SGCD: variants seen among roughly 807,000 people sequenced by gnomAD.
SGCD encodes the protein sarcoglycan delta.
In SGCD, 18 loss-of-function variants were observed where a neutral mutation model predicts 36.6. The observed-to-expected ratio is 0.49, with a 90% CI of 0.34 to 0.73. SGCD has a LOEUF of 0.73. Among genes scored for constraint, SGCD ranks in the 30% least tolerant of loss-of-function variants. SGCD has a pLI of 0.01. For synonymous variants in SGCD, 133 were observed against 130.6 expected (o/e 1.02, Z -0.12); for missense variants, 387 against 346.7 (o/e 1.12, Z -0.92).
chr5:155,817,424 A>G, the SGCD span, among the ~76,000 whole-genome samples: 1 of 151,730 alleles, frequency 6.6e-6, no homozygotes, highest in East Asian at 1.9e-4. Context: ...TATGCCAACA[A>G]TAGGTTTAAT....
At chr5:156,527,626 A>C (rs1279727107) in intron 4 of SGCD, among the ~76,000 whole-genome samples, 2 of 152,176 alleles carry the variant, frequency 1.3e-5, no homozygotes, top group African/African-American at 2.4e-5. Flanking sequence ...TGAACCATCT[A>C]TCTGTGAAAG....
intron 4 of SGCD, among the ~76,000 whole-genome samples, chr5:156,564,311 T>A (rs149926428): frequency 0.014 from 2,057 of 151,974 alleles, 33 homozygotes; most frequent in African/African-American, 0.047. Flanking sequence ...TTAGCCGGGC[T>A]TGGTGGCAGG....
At chr5:156,355,730 A>G (rs1045977265) in intron 3 of SGCD, among the ~76,000 whole-genome samples, 1 of 152,204 alleles carries the variant, frequency 6.6e-6, no homozygotes, top group Non-Finnish European at 1.5e-5. Flanking sequence ...TCCGCCTCCC[A>G]GGTTCAAGCG....
chr5:156,733,259 A>ATAAT (rs1252752689), intron 7 of SGCD, among the ~76,000 whole-genome samples: 3 of 151,940 alleles, frequency 2.0e-5, no homozygotes, highest in Non-Finnish European at 4.4e-5. Flanking sequence ...ATTGTTCTTA[A>ATAAT]TAATTTCAAA....
At chr5:156,073,253 T>C (rs577704675) in intron 1 of SGCD, among the ~76,000 whole-genome samples, 1 of 152,240 alleles carries the variant, frequency 6.6e-6, no homozygotes, top group Non-Finnish European at 1.5e-5. Context: ...TTACCTGATT[T>C]CCCCTCTATT....
intron 3 of SGCD, among the ~76,000 whole-genome samples, chr5:156,449,352 C>A (rs941921719): frequency 5.9e-5 from 9 of 152,002 alleles, no homozygotes; most frequent in African/African-American, 2.2e-4. Flanking sequence ...TTTGTAAGGG[C>A]GGAACTAAGT....
chr5:155,973,166 G>T (rs951610684), intron 1 of SGCD, among the ~76,000 whole-genome samples: 8 of 152,134 alleles, frequency 5.3e-5, no homozygotes, highest in Non-Finnish European at 1.0e-4. Context: ...GGGGAACTTT[G>T]CAATATGGAA....
intron 3 of SGCD, among the ~76,000 whole-genome samples, chr5:156,344,951 G>A (rs1768871444): frequency 6.6e-6 from 1 of 152,112 alleles, no homozygotes; most frequent in African/African-American, 2.4e-5. Flanking sequence ...AACTGTTTCT[G>A]TAGCCTGTAG....
chr5:156,099,079 C>T (rs978431788), intron 1 of SGCD, among the ~76,000 whole-genome samples: 3 of 152,204 alleles, frequency 2.0e-5, no homozygotes, highest in African/African-American at 7.2e-5. Flanking sequence ...TGGTAAACAC[C>T]AGATCTGCAT....
At position 155,938,078 on chromosome 5, in the gene SGCD, A is replaced by G. The variant is rs370658723; in HGVS notation, c.-282+67654A>G. Among the ~76,000 whole-genome samples the G allele has an allele frequency of 2.4e-4, 37 of 152,340 alleles. No individual in the cohort carries two copies. In the East Asian group the frequency reaches 2.9e-3, roughly 12 times the overall value. ...TACAGACATGAACGCAAACATGCAC[A>G]TACCTGCACATACAGACACTCAAAA... On this transcript the variant is annotated intron_variant, in intron 1 of 9. Coordinates refer to the SGCD transcript ENST00000517913.
At chr5:156,447,806 T>C (rs1182145900) in intron 3 of SGCD, among the ~76,000 whole-genome samples, 1 of 152,176 alleles carries the variant, frequency 6.6e-6, no homozygotes, top group Non-Finnish European at 1.5e-5. Flanking sequence ...TCCCAGAACT[T>C]AAAATAAAAG....
At chr5:155,771,062 A>T in the SGCD span, among the ~76,000 whole-genome samples, 6,695 of 152,132 alleles carry the variant, frequency 0.044, 194 homozygotes, top group Middle Eastern at 0.13. Context: ...CTGAACCAAA[A>T]GTATATGTAT....
intron 3 of SGCD, among the ~76,000 whole-genome samples, chr5:156,229,282 A>ATATATATATATATATATATATATG (rs1764947779): frequency 9.7e-6 from 1 of 103,102 alleles, no homozygotes; most frequent in Admixed American, 1.0e-4. Flanking sequence ...ACATACATAT[A>ATATATATATATATATATATATATG]TATATATATA....
At chr5:155,876,013 T>G (rs1439949685) in intron 1 of SGCD, among the ~76,000 whole-genome samples, 1 of 150,722 alleles carries the variant, frequency 6.6e-6, no homozygotes. Context: ...TCAAAGTTGT[T>G]TTTTTTTTTC....
At chr5:156,221,066 T>C (rs1171652025) in intron 3 of SGCD, among the ~76,000 whole-genome samples, 2 of 152,096 alleles carry the variant, frequency 1.3e-5, no homozygotes, top group Admixed American at 1.3e-4. Context: ...TTCTCAGATA[T>C]TTGGATGGTA....
At chr5:156,467,766 TA>T (rs1754778695) in intron 3 of SGCD, among the ~76,000 whole-genome samples, 1 of 152,202 alleles carries the variant, frequency 6.6e-6, no homozygotes, top group African/African-American at 2.4e-5. Context: ...TATGAGGCCC[TA>T]AAGAAGTGGG....
chr5:156,145,299 A>G (rs1383358483), intron 3 of SGCD, among the ~76,000 whole-genome samples: 1 of 152,144 alleles, frequency 6.6e-6, no homozygotes, highest in African/African-American at 2.4e-5. Context: ...TCCTTCTGTC[A>G]TGATTGTAAG....
chr5:155,876,873 CAT>C (rs1344572036), intron 1 of SGCD, among the ~76,000 whole-genome samples: 2 of 152,210 alleles, frequency 1.3e-5, no homozygotes, highest in African/African-American at 4.8e-5. Flanking sequence ...ACATGACAAT[CAT>C]GTGAAAATAT....
chr5:156,588,717 T>C (rs1301949749), intron 4 of SGCD, among the ~76,000 whole-genome samples: 1 of 152,222 alleles, frequency 6.6e-6, no homozygotes, highest in Non-Finnish European at 1.5e-5. Context: ...GGGTTTTGTA[T>C]ACATGCATTG....
Sources: allele counts gnomAD v4.1 joint callset (sites outside exome capture counted in the v4.1 genomes callset), GRCh38; gene constraint gnomAD v4.1.1; transcripts MANE v1.5; gene names NCBI Gene and HGNC (gene_info 2026-07-23, HGNC 2026-07-21).